Variants in ATL2 observed in about 807,000 individuals in gnomAD.
ATL2 encodes the protein atlastin-2.
ATL2 carries 31 observed loss-of-function variants against 73.9 expected under a neutral mutation model. That is an observed-to-expected ratio of 0.42 (90% CI 0.32 to 0.57). ATL2 has a LOEUF of 0.57. Among genes scored for constraint, ATL2 ranks in the 20% least tolerant of loss-of-function variants. The probability of loss-of-function intolerance (pLI) is 0.14; values close to 1 mark genes in which losing one functional copy is unlikely to be tolerated. For missense variants in ATL2, 738 were observed against 702.6 expected (o/e 1.05, Z -0.57); for synonymous variants, 291 against 237.5 (o/e 1.23, Z -2.07).
In ATL2 at chr2:38,343,531, G is replaced by C. The variant is rs746333633; in HGVS notation, c.119-19C>G. 1 of 1,594,948 alleles carries C rather than the reference G, an allele frequency of 6.3e-7. No homozygotes were observed. The highest frequency in any genetic ancestry group is 8.5e-7 in the Non-Finnish European group (1 of 1,171,188). The stretch of plus-strand genomic sequence containing the variant: ...TTCTCACCTAGAATTTAAAAAGAAA[G>C]AAACTGGTTACTTTAATCCCTATAT... On this transcript the variant is annotated intron_variant, in intron 1 of 12. Coordinates refer to ENST00000378954, the MANE Select transcript of ATL2 (RefSeq NM_001135673.4).
At chr2:38,328,848 C>T (rs999278182) in intron 2 of ATL2, among the ~76,000 whole-genome samples, 1 of 151,448 alleles carries the variant, frequency 6.6e-6, no homozygotes, top group African/African-American at 2.4e-5. Context: ...AACAAGAAAA[C>T]AGAAAATCAC....
intron 1 of ATL2, chr2:38,354,184 C>CAAAAAAA: frequency 2.4e-5 from 10 of 411,616 alleles, no homozygotes; most frequent in Middle Eastern, 3.6e-4. Flanking sequence ...GACTCTGTCT[C>CAAAAAAA]AAAAAAAAGC....
At chr2:38,309,860 AGATT>A (rs999619020) in intron 8 of ATL2, among the ~76,000 whole-genome samples, 7 of 152,170 alleles carry the variant, frequency 4.6e-5, no homozygotes, top group African/African-American at 1.4e-4. Context: ...TTTTACTACT[AGATT>A]ATGTTTTACC....
chr2:38,349,417 G>T lies in ATL2; in HGVS notation c.119-5905C>A, dbSNP rs373112590. Among the ~76,000 whole-genome samples, 570 of 148,514 alleles carry T rather than the reference G, an allele frequency of 3.8e-3. 6 individuals carry two copies. In the South Asian group the frequency reaches 0.044, roughly 12 times the overall value. On this transcript the variant is annotated intron_variant, in intron 1 of 12. Coordinates refer to ENST00000378954, the MANE Select transcript of ATL2 (RefSeq NM_001135673.4). ...AAATCATCATTCTCAGTAAACTATC[G>T]CAAGGACAAAAAACCAAACACCGCA...
intron 6 of ATL2, among the ~76,000 whole-genome samples, chr2:38,313,894 A>AAATAGG (rs1667887091): frequency 6.6e-6 from 1 of 152,222 alleles, no homozygotes; most frequent in Non-Finnish European, 1.5e-5. Flanking sequence ...AAATGATCCC[A>AAATAGG]GTTCAGAAAA....
intron 1 of ATL2, 122 bp downstream of exon 1, chr2:38,377,021 G>C: frequency 1.3e-6 from 1 of 742,776 alleles, no homozygotes; most frequent in Non-Finnish European, 2.0e-6. Context: ...GCGCGGCGGC[G>C]GGAGGAGACC....
chr2:38,327,921 G>C (rs566799645), intron 2 of ATL2, among the ~76,000 whole-genome samples: 27 of 152,260 alleles, frequency 1.8e-4, no homozygotes, highest in African/African-American at 5.5e-4. Flanking sequence ...GGGTGAGAGA[G>C]TAAGATTCTG....
intron 2 of ATL2, among the ~76,000 whole-genome samples, chr2:38,332,634 T>TAA (rs1669066588): frequency 6.6e-6 from 1 of 152,194 alleles, no homozygotes; most frequent in South Asian, 2.1e-4. Flanking sequence ...GTAACACTGT[T>TAA]AAAGGAAAAA....
chr2:38,344,057 A>G (rs1669882752), intron 1 of ATL2, among the ~76,000 whole-genome samples: 1 of 152,172 alleles, frequency 6.6e-6, no homozygotes. Context: ...CTCATACACC[A>G]TTATACATAC....
intron 2 of ATL2, among the ~76,000 whole-genome samples, chr2:38,337,761 TTTA>T (rs1257229535): frequency 6.6e-6 from 1 of 152,022 alleles, no homozygotes; most frequent in Non-Finnish European, 1.5e-5. Flanking sequence ...TATATGGGCA[TTTA>T]TTATATTATT....
intron 1 of ATL2, among the ~76,000 whole-genome samples, chr2:38,346,979 A>G (rs1291909944): frequency 2.0e-5 from 3 of 152,186 alleles, no homozygotes; most frequent in Non-Finnish European, 2.9e-5. Context: ...AGCTTAAAAG[A>G]CACTTTCCAG....
intron 1 of ATL2, among the ~76,000 whole-genome samples, chr2:38,355,881 A>G (rs926732183): frequency 1.6e-4 from 24 of 151,708 alleles, no homozygotes; most frequent in African/African-American, 5.8e-4. Flanking sequence ...TTTTTAGTAG[A>G]GACAGGTTTC....
intron 1 of ATL2, among the ~76,000 whole-genome samples, chr2:38,362,949 T>C (rs977389568): frequency 6.6e-6 from 1 of 152,156 alleles, no homozygotes; most frequent in Non-Finnish European, 1.5e-5. Flanking sequence ...GAGGAAAACA[T>C]TATTAGTAAC....
intron 2 of ATL2, among the ~76,000 whole-genome samples, chr2:38,331,781 G>A (rs1017194449): frequency 2.6e-5 from 4 of 151,732 alleles, no homozygotes; most frequent in African/African-American, 9.7e-5. Flanking sequence ...GGGACAAATA[G>A]ATACATAACC....
intron 1 of ATL2, among the ~76,000 whole-genome samples, chr2:38,348,730 C>A (rs1481400405): frequency 6.6e-6 from 1 of 151,172 alleles, no homozygotes; most frequent in East Asian, 1.9e-4. Context: ...TCAGAGTGAA[C>A]AGGCAACCTA....
intron 2 of ATL2, among the ~76,000 whole-genome samples, chr2:38,334,945 T>TTATATATTATAATATATAAATA (rs1669265905): frequency 1.4e-5 from 2 of 139,206 alleles, no homozygotes; most frequent in African/African-American, 2.6e-5. Flanking sequence ...TATATAACAT[T>TTATATATTATAATATATAAATA]TATATAATAA....
chr2:38,312,922 T>C (rs1667837623), intron 7 of ATL2, among the ~76,000 whole-genome samples: 1 of 152,102 alleles, frequency 6.6e-6, no homozygotes, highest in Admixed American at 6.5e-5. Flanking sequence ...GGGCTACCTT[T>C]AGGAATAAAG....
chr2:38,343,244 G>C (rs375804251), intron 2 of ATL2, 24 bp downstream of exon 2: 18 of 1,536,662 alleles, frequency 1.2e-5, no homozygotes, highest in Non-Finnish European at 1.6e-5. Flanking sequence ...TTTTTAATTG[G>C]GTTCAATTTA....
chr2:38,320,623 T>TC (rs1417690729), intron 2 of ATL2, among the ~76,000 whole-genome samples: 1 of 152,168 alleles, frequency 6.6e-6, no homozygotes, highest in Non-Finnish European at 1.5e-5. Flanking sequence ...TTGACAGACG[T>TC]CAAGATCCCT....
Sources: gnomAD v4.1 joint callset for allele counts (sites outside exome capture counted in the v4.1 genomes callset) on GRCh38, gnomAD v4.1.1 for gene constraint, MANE v1.5 for transcripts, NCBI Gene and HGNC (gene_info 2026-07-23, HGNC 2026-07-21) for gene names.